FCHSD2: variants seen among roughly 807,000 people sequenced by gnomAD.
FCHSD2 encodes the protein F-BAR and double SH3 domains protein 2.
A neutral mutation model predicts 108.1 loss-of-function variants in FCHSD2; 38 were observed. The observed-to-expected ratio is 0.35, with a 90% CI of 0.27 to 0.46. The LOEUF is 0.46. Among genes scored for constraint, FCHSD2 ranks in the 20% least tolerant of loss-of-function variants. FCHSD2 has a pLI of 1.00. For synonymous variants in FCHSD2, 279 were observed against 314.7 expected, an observed-to-expected ratio of 0.89 and a Z score of 1.20; for missense variants, 751 against 897.8, an observed-to-expected ratio of 0.84 and a Z score of 2.09.
intron 3 of FCHSD2, among the ~76,000 whole-genome samples, chr11:73,080,296 C>CAAAA (rs370633105): frequency 5.7e-3 from 279 of 49,118 alleles, no homozygotes; most frequent in Non-Finnish European, 8.4e-3. Context: ...GACCCTGTCT[C>CAAAA]AAAAAAAAAA....
At chr11:73,000,928 C>G in intron 5 of FCHSD2, 62 bp downstream of exon 5, 1 of 1,393,632 alleles carries the variant, frequency 7.2e-7, no homozygotes, top group South Asian at 1.3e-5. Flanking sequence ...CATAACCTTG[C>G]AGATTATAAA....
At chr11:73,048,913 GTTGATCGAGTAACTCA>G (rs1858828181) in intron 3 of FCHSD2, among the ~76,000 whole-genome samples, 1 of 152,200 alleles carries the variant, frequency 6.6e-6, no homozygotes, top group African/African-American at 2.4e-5. Flanking sequence ...ATAGCAAGAT[GTTGATCGAGTAACTCA>G]TTGCTATCAA....
At position 72,862,507 on chromosome 11, in the gene FCHSD2, T is replaced by C. The variant is rs1854621640; in HGVS notation, c.1308+5358A>G. Among the ~76,000 whole-genome samples the C allele has an allele frequency of 2.6e-5, 4 of 152,258 alleles. 1 individual carries two copies. The South Asian group carries it at 8.3e-4, about 32-fold the overall frequency. ...TTACAATAGCACCAAAATTATGAAATAGGGGTAAGTCTGACAAAGGATATG... is the reference window on the plus strand; with the variant it reads ...TTACAATAGCACCAAAATTATGAAACAGGGGTAAGTCTGACAAAGGATATG... On this transcript the variant is annotated intron_variant, in intron 13 of 19. Coordinates refer to ENST00000409418, the MANE Select transcript of FCHSD2 (RefSeq NM_014824.3).
intron 12 of FCHSD2, among the ~76,000 whole-genome samples, chr11:72,881,899 T>C (rs980447131): frequency 1.3e-5 from 2 of 152,122 alleles, no homozygotes; most frequent in African/African-American, 4.8e-5. Flanking sequence ...CCCAGCACTT[T>C]GGGAGGCCGA....
intron 3 of FCHSD2, among the ~76,000 whole-genome samples, chr11:73,030,778 T>C (rs1858341396): frequency 6.6e-6 from 1 of 152,232 alleles, no homozygotes; most frequent in African/African-American, 2.4e-5. Context: ...CAAGCAAATT[T>C]AATATATCCA....
intron 8 of FCHSD2, among the ~76,000 whole-genome samples, chr11:72,943,720 C>T (rs1856465472): frequency 6.6e-6 from 1 of 152,168 alleles, no homozygotes; most frequent in African/African-American, 2.4e-5. Flanking sequence ...AATGATACCT[C>T]ACACTTAGTA....
intron 9 of FCHSD2, among the ~76,000 whole-genome samples, chr11:72,912,372 A>G (rs1429420357): frequency 1.3e-5 from 2 of 152,210 alleles, no homozygotes; most frequent in Admixed American, 1.3e-4. Context: ...AAATTTTATC[A>G]AATGCTTTTT....
intron 8 of FCHSD2, among the ~76,000 whole-genome samples, chr11:72,934,004 G>C (rs982797979): frequency 6.7e-6 from 1 of 150,106 alleles, no homozygotes; most frequent in Non-Finnish European, 1.5e-5. Flanking sequence ...AGCTATTCAG[G>C]AGGCTGAGGT....
intron 13 of FCHSD2, among the ~76,000 whole-genome samples, chr11:72,851,877 CTT>C (rs56101807): frequency 0.8 from 98,566 of 123,658 alleles, 38,705 homozygotes; most frequent in Middle Eastern, 0.88. Flanking sequence ...GTCAGAGTGG[CTT>C]TTTTTTTTTT....
At chr11:73,020,879 AT>A (rs1349368426) in intron 3 of FCHSD2, among the ~76,000 whole-genome samples, 1 of 151,940 alleles carries the variant, frequency 6.6e-6, no homozygotes, top group Non-Finnish European at 1.5e-5. Flanking sequence ...ATCTATTGAC[AT>A]TTTATTTACA....
intron 8 of FCHSD2, among the ~76,000 whole-genome samples, chr11:72,952,071 G>A (rs1856630609): frequency 6.6e-6 from 1 of 152,146 alleles, no homozygotes; most frequent in South Asian, 2.1e-4. Flanking sequence ...GTCTGCATAT[G>A]TCTTACCAAA....
intron 8 of FCHSD2, among the ~76,000 whole-genome samples, chr11:72,979,060 T>C (rs1433078944): frequency 6.6e-6 from 1 of 152,102 alleles, no homozygotes; most frequent in Non-Finnish European, 1.5e-5. Flanking sequence ...ATTTTCACCA[T>C]GTTGGCAGGC....
chr11:73,108,725 C>T (rs1013974101), intron 2 of FCHSD2, among the ~76,000 whole-genome samples: 65 of 152,132 alleles, frequency 4.3e-4, no homozygotes, highest in Non-Finnish European at 6.6e-4. Flanking sequence ...CCCGCCACCG[C>T]GCCCGGCTAA....
Position 72,984,180 on chromosome 11 carries a change from T to C in FCHSD2, c.613A>G (p.Thr205Ala). Reference protein sequence around the residue: ...ARRSECNSKATHARNDYLLTL... With the variant: ...ARRSECNSKAAHARNDYLLTL... ...AGAAGATAATCATTCCTTGCGTGGGTAGCTTTGGAATTACACTCAGATCGC... is the reference window on the plus strand; with the variant it reads ...AGAAGATAATCATTCCTTGCGTGGGCAGCTTTGGAATTACACTCAGATCGC... Residue 205 changes from threonine (T) to alanine (A), a missense_variant, in exon 8 of 20, where the codon ACC (threonine) becomes GCC (alanine). Physicochemically the swap from Thr to Ala is moderately conservative, Grantham distance 58 (BLOSUM62 0). Transcript: ENST00000409418. 1 of 1,613,590 alleles carries C rather than the reference T, an allele frequency of 6.2e-7. No individual in the cohort carries two copies. Among genetic ancestry groups the C allele is most frequent in the Non-Finnish European group, 8.5e-7 (1 of 1,179,538 alleles).
chr11:73,049,962 T>A (rs922343533), intron 3 of FCHSD2, among the ~76,000 whole-genome samples: 1 of 152,144 alleles, frequency 6.6e-6, no homozygotes, highest in African/African-American at 2.4e-5. Context: ...AAATAGAAAC[T>A]AACTATAAGC....
chr11:73,088,200 G>C (rs1859869082), intron 2 of FCHSD2, among the ~76,000 whole-genome samples: 1 of 152,070 alleles, frequency 6.6e-6, no homozygotes, highest in Non-Finnish European at 1.5e-5. Context: ...CCATATTTTT[G>C]TTGTATCTTT....
At chr11:73,096,987 A>AATTTTTTTTTTTTTT (rs1860095700) in intron 2 of FCHSD2, among the ~76,000 whole-genome samples, 4 of 27,046 alleles carry the variant, frequency 1.5e-4, no homozygotes, top group African/African-American at 7.9e-4. Flanking sequence ...TCATTGATGG[A>AATTTTTTTTTTTTTT]TTTTTTTTTT....
chr11:72,843,061 G>A, intron 16 of FCHSD2, 90 bp downstream of exon 16: 4 of 1,279,630 alleles, frequency 3.1e-6, no homozygotes, highest in African/African-American at 1.5e-5. Context: ...GAGGAAAGTT[G>A]TGCTTTTTAT....
chr11:72,837,068 G>A lies in FCHSD2; in HGVS notation c.*1723C>T, dbSNP rs951441586. 1.3e-5 allele frequency: 2 copies of A among 152,154 alleles called. No homozygotes were observed. Among genetic ancestry groups the A allele is most frequent in the African/African-American group, 2.4e-5 (1 of 41,436 alleles). The allele number at this position is 152,154 out of a possible 1,614,324, so 9.4% of individuals were successfully genotyped here. A position where few individuals can be genotyped will look rare whatever the true frequency, so the allele number is the denominator to read the frequency against. On this transcript the variant is annotated 3_prime_UTR_variant, in exon 20 of 20. Coordinates refer to ENST00000409418, the MANE Select transcript of FCHSD2 (RefSeq NM_014824.3). ...AGCTAAAGACAGAATACAAGACTGG[G>A]TGGCAAGAACTGCTCTATTTAATAA... is the stretch of plus-strand genomic sequence containing the variant.
Sources: gnomAD v4.1 joint callset for allele counts (sites outside exome capture counted in the v4.1 genomes callset) on GRCh38, gnomAD v4.1.1 for gene constraint, MANE v1.5 for transcripts, NCBI Gene and HGNC (gene_info 2026-07-23, HGNC 2026-07-21) for gene names.